DNAAF4: variants seen among roughly 807,000 people sequenced by gnomAD.
The protein encoded by DNAAF4 is dynein assembly factor 4, axonemal.
DNAAF4 carries 43 observed loss-of-function variants against 51.8 expected under a neutral mutation model. The ratio of observed to expected loss-of-function variants is 0.83; its 90% CI spans 0.65 to 1.07. The LOEUF (loss-of-function observed/expected upper bound fraction) is 1.07. DNAAF4 is among the 50% of genes least tolerant of loss of function. DNAAF4 has a pLI of 0.00. For missense variants in DNAAF4, 581 were observed against 493.0 expected (o/e 1.18, Z -1.69); for synonymous variants, 194 against 165.6 (o/e 1.17, Z -1.32).
intron 3 of DNAAF4, among the ~76,000 whole-genome samples, chr15:55,497,112 C>G (rs1199266182): frequency 6.6e-6 from 1 of 152,174 alleles, no homozygotes; most frequent in East Asian, 1.9e-4. Flanking sequence ...TACATCCCCT[C>G]CCCCTTCCCC....
rs569820152 is a variant in DNAAF4, at chr15:55,446,296, C to CGG, written c.783+3924_783+3925dup. On this transcript the variant is annotated intron_variant, in intron 6 of 9. Transcript: ENST00000321149. ...GCAGAGGCGCTCCTCACATCCCAGACGGGGGGGGGGGGCAGCTGGGCAGAG... is the reference window on the plus strand; with the variant it reads ...GCAGAGGCGCTCCTCACATCCCAGACGGGGGGGGGGGGGGCAGCTGGGCAGAG... Among the ~76,000 whole-genome samples, 63 of 19,228 alleles carry CGG rather than the reference C, an allele frequency of 3.3e-3. 1 individual carries two copies. Among genetic ancestry groups the CGG allele is most frequent in the East Asian group, 6.6e-3 (1 of 152 alleles). The allele number at this position is 19,228 out of a possible 152,430, so 12.6% of individuals were successfully genotyped here.
intron 4 of DNAAF4, among the ~76,000 whole-genome samples, chr15:55,468,898 A>G (rs2058207989): frequency 6.6e-6 from 1 of 152,226 alleles, no homozygotes; most frequent in Non-Finnish European, 1.5e-5. Context: ...TTCAGAGAGT[A>G]GTGATGAAGA....
chr15:55,448,471 G>C (rs115842705), intron 6 of DNAAF4, among the ~76,000 whole-genome samples: 5,417 of 134,642 alleles, frequency 0.04, 385 homozygotes, highest in African/African-American at 0.15. Context: ...CTGTACTCCA[G>C]CCTGGGCAGC....
intron 4 of DNAAF4, among the ~76,000 whole-genome samples, chr15:55,480,022 T>C (rs762455649): frequency 1.8e-4 from 27 of 152,188 alleles, no homozygotes; most frequent in Non-Finnish European, 3.5e-4. Flanking sequence ...TAGTTCTGCT[T>C]TTGCCCTTTG....
At position 55,497,813 on chromosome 15, in the gene DNAAF4, A is replaced by G. The variant is rs2141603204; in HGVS notation, c.170T>C (p.Ile57Thr). The G allele has an allele frequency of 6.2e-7, 1 of 1,613,856 alleles. No homozygotes were observed. The highest frequency in any genetic ancestry group is 2.2e-5 in the East Asian group (1 of 44,874). The change falls in exon 3 of 10, where the codon ATA (isoleucine) becomes ACA (threonine). Residue 57 changes from isoleucine to threonine, a missense_variant. By Grantham distance (89) the Ile-to-Thr change is moderately conservative. Transcript: ENST00000321149. Reference sequence around the variant, plus strand: ...CTTTGCTTTGCTGCTCTCATCGTCTATGGGAGCATAAAGAAATGCCTCAAA... The same window carrying G: ...CTTTGCTTTGCTGCTCTCATCGTCTGTGGGAGCATAAAGAAATGCCTCAAA... ...FLFEAFLYAP[I>T]DDESSKAKIG...
intron 6 of DNAAF4, among the ~76,000 whole-genome samples, chr15:55,441,809 T>C (rs1459729427): frequency 6.6e-6 from 1 of 152,196 alleles, no homozygotes; most frequent in African/African-American, 2.4e-5. Flanking sequence ...TTTTCTTTTT[T>C]AAATGGCACA....
In DNAAF4 at chr15:55,422,190, ATAGAGT is replaced by A. The variant is rs1454774540; in HGVS notation, c.1048-4063_1048-4058del. Among the ~76,000 whole-genome samples the A allele has an allele frequency of 2.0e-5, 3 of 152,222 alleles. No homozygotes were observed. The East Asian group carries it at 5.8e-4, about 29-fold the overall frequency. The stretch of plus-strand genomic sequence containing the variant: ...TAAGTGTTACGGGAAAAAACATAAA[ATAGAGT>A]TAGGAGGAAAGTGAGTACTTCAGCA... On this transcript the variant is annotated intron_variant, in intron 7 of 7. Transcript: ENST00000448430.
chr15:55,419,019 C>A (rs547957219), intron 7 of DNAAF4, among the ~76,000 whole-genome samples: 1 of 149,878 alleles, frequency 6.7e-6, no homozygotes, highest in South Asian at 2.1e-4. Flanking sequence ...CAGGTTCAAG[C>A]GATTTTCCTG....
At chr15:55,505,783 G>C (rs2058724276) in intron 1 of DNAAF4, among the ~76,000 whole-genome samples, 1 of 152,126 alleles carries the variant, frequency 6.6e-6, no homozygotes, top group African/African-American at 2.4e-5. Context: ...GGGGGGCTGG[G>C]GGAGGGATAG....
intron 3 of DNAAF4, among the ~76,000 whole-genome samples, chr15:55,495,813 G>T (rs2058633027): frequency 6.6e-6 from 1 of 152,194 alleles, no homozygotes; most frequent in Non-Finnish European, 1.5e-5. Context: ...ACTAAAGAAG[G>T]AAGGAGGAAA....
rs1249865691 is a variant in DNAAF4, at chr15:55,421,901, TAA to T, written c.1048-3770_1048-3769del. 1.5e-3 allele frequency among the ~76,000 whole-genome samples: 13 copies of T among 8,848 alleles called. No individual in the cohort carries two copies. In the East Asian group the frequency reaches 0.16, roughly 106 times the overall value. 5.8% of individuals were successfully genotyped at this position (8,848 alleles called of 152,430 possible). The stretch of plus-strand genomic sequence containing the variant: ...GGAAACTCCGTCTCAAAAAAATGTA[TAA>T]TAATAATAATAATAATAATAATAAT... On this transcript the variant is annotated intron_variant, in intron 7 of 7. Transcript: ENST00000448430.
intron 3 of DNAAF4, among the ~76,000 whole-genome samples, chr15:55,495,531 G>A (rs1567034992): frequency 6.6e-6 from 1 of 152,148 alleles, no homozygotes. Context: ...GAGCCTAGGA[G>A]TTCAAGACCT....
chr15:55,447,779 AGAGAGGGGAGAGGG>A (rs1162522677), intron 6 of DNAAF4, among the ~76,000 whole-genome samples: 4 of 80,280 alleles, frequency 5.0e-5, no homozygotes, highest in African/African-American at 1.9e-4. Context: ...CCGTGGAAAG[AGAGAGGGGAGAGGG>A]GAGAGGGGAG....
rs956367529 is a variant in DNAAF4, at chr15:55,486,708, T to C, written c.405+4415A>G. Among the ~76,000 whole-genome samples the C allele has an allele frequency of 3.6e-4, 55 of 151,722 alleles. 1 individual carries two copies. Among genetic ancestry groups the C allele is most frequent in the Admixed American group, 3.6e-3 (55 of 15,196 alleles). ...CTGAGGTGGGAGGATCTCTCGAACC[T>C]GCGAGGTCAATGTAGTGAGCTGTAA... On this transcript the variant is annotated intron_variant, in intron 4 of 9. Transcript: ENST00000321149.
At chr15:55,433,160 T>C (rs1009705922) in intron 8 of DNAAF4, among the ~76,000 whole-genome samples, 1 of 151,948 alleles carries the variant, frequency 6.6e-6, no homozygotes, top group Admixed American at 6.6e-5. Flanking sequence ...ACTAGCCAGA[T>C]GTGGTAGCGG....
At chr15:55,493,839 G>A (rs2058604607) in intron 3 of DNAAF4, among the ~76,000 whole-genome samples, 1 of 151,904 alleles carries the variant, frequency 6.6e-6, no homozygotes, top group East Asian at 1.9e-4. Context: ...AAGTAGCTGG[G>A]ACTATAAGGC....
chr15:55,423,746 A>G (rs2057407264), intron 7 of DNAAF4, among the ~76,000 whole-genome samples: 1 of 152,156 alleles, frequency 6.6e-6, no homozygotes, highest in African/African-American at 2.4e-5. Flanking sequence ...TAAGATAAGG[A>G]GTGCGAGACC....
At chr15:55,488,100 A>C (rs569006012) in intron 4 of DNAAF4, among the ~76,000 whole-genome samples, 1 of 150,058 alleles carries the variant, frequency 6.7e-6, no homozygotes, top group South Asian at 2.1e-4. Flanking sequence ...TCAGGATGAA[A>C]TACCAATCTT....
intron 6 of DNAAF4, 39 bp from the exon 7 acceptor site, chr15:55,439,620 C>A (rs1259799780): frequency 8.4e-6 from 13 of 1,551,278 alleles, no homozygotes; most frequent in Non-Finnish European, 1.1e-5. Context: ...ATAAAAAGGT[C>A]TTTTTTTAAT....
Sources: allele counts gnomAD v4.1 joint callset (sites outside exome capture counted in the v4.1 genomes callset), GRCh38; gene constraint gnomAD v4.1.1; transcripts MANE v1.5; gene names NCBI Gene and HGNC (gene_info 2026-07-23, HGNC 2026-07-21).